ZNF841: variants seen among roughly 807,000 people sequenced by gnomAD.
The protein encoded by ZNF841 is zinc finger protein 841.
Under a neutral mutation model 13.0 loss-of-function variants are expected in ZNF841, and 11 were observed. That is an observed-to-expected ratio of 0.85 (90% CI 0.53 to 1.40). The LOEUF (loss-of-function observed/expected upper bound fraction) is 1.40, where lower values mean the gene tolerates loss of function less well. Ranked by LOEUF, ZNF841 falls within the 40% of genes most tolerant of loss-of-function variation. The pLI is 0.00. For synonymous variants in ZNF841, 369 were observed against 381.6 expected, an observed-to-expected ratio of 0.97 and a Z score of 0.38; for missense variants, 1,068 against 1,139.5, an observed-to-expected ratio of 0.94 and a Z score of 0.90.
At chr19:52,083,327 G>A (rs941176833) in intron 4 of ZNF841, among the ~76,000 whole-genome samples, 2 of 151,168 alleles carry the variant, frequency 1.3e-5, no homozygotes, top group African/African-American at 4.9e-5. Flanking sequence ...CTTCTAGGAT[G>A]GTGCATTTCC....
chr19:52,064,824 G>T lies in ZNF841; in HGVS notation c.*283C>A. On this transcript the variant is annotated 3_prime_UTR_variant, in exon 7 of 7. Coordinates refer to ENST00000594440, the MANE Select transcript of ZNF841 (RefSeq NM_001136499.2). ...AATTTTTGTATTTTTGGCAGAAACA[G>T]GGTTTCACCATGTTGGCCAGGCTGC... The T allele has an allele frequency of 4.6e-6, 1 of 216,152 alleles. No individual in the cohort carries two copies. Among genetic ancestry groups the T allele is most frequent in the Non-Finnish European group, 9.2e-6 (1 of 109,212 alleles). 13.4% of individuals were successfully genotyped at this position (216,152 alleles called of 1,614,324 possible). A position where few individuals can be genotyped will look rare whatever the true frequency, so the allele number is the denominator to read the frequency against.
At chr19:52,069,365 G>A (rs536267641) in intron 6 of ZNF841, among the ~76,000 whole-genome samples, 6 of 152,190 alleles carry the variant, frequency 3.9e-5, no homozygotes, top group East Asian at 3.9e-4. Flanking sequence ...ATGAGCCACC[G>A]TGCCCAGTCC....
At chr19:52,086,416 C>G (rs953061342) in intron 3 of ZNF841, among the ~76,000 whole-genome samples, 1 of 152,170 alleles carries the variant, frequency 6.6e-6, no homozygotes, top group South Asian at 2.1e-4. Context: ...CCATGTGAGA[C>G]GCCTGTTCCT....
intron 2 of ZNF841, among the ~76,000 whole-genome samples, chr19:52,090,650 GGAAGGAAA>G (rs1356836499): frequency 0.011 from 643 of 58,834 alleles, 2 homozygotes; most frequent in African/African-American, 0.02. Context: ...AAGGAAGGAA[GGAAGGAAA>G]GAAAGAAAGA....
At chr19:52,062,702 G>T (rs1027682108), downstream of ZNF841, among the ~76,000 whole-genome samples, 2 of 152,028 alleles carry the variant, frequency 1.3e-5, no homozygotes, top group Admixed American at 1.3e-4. Context: ...TACTGAATTG[G>T]CCATTTCCAC....
At chr19:52,059,551 G>A (rs969579676), downstream of ZNF841, among the ~76,000 whole-genome samples, 1 of 151,644 alleles carries the variant, frequency 6.6e-6, no homozygotes, top group African/African-American at 2.4e-5. Context: ...TGTTACTAAT[G>A]TGCAAGTATA....
rs1339159601 is a variant in ZNF841, at chr19:52,090,626, AGAAAGAAG to A, written c.-143-1632_-143-1625del. 4.0e-3 allele frequency among the ~76,000 whole-genome samples: 385 copies of A among 96,728 alleles called. 8 individuals are homozygous for A. Among genetic ancestry groups the A allele is most frequent in the African/African-American group, 0.018 (371 of 20,762 alleles). 63.5% of individuals were successfully genotyped at this position (96,728 alleles called of 152,430 possible). ...GTCTCTTAAAAAAAGAAAGAAAGAA[AGAAAGAAG>A]GAAGGAAGGAAGGAAGGAAGGAAAG... On this transcript the variant is annotated intron_variant, in intron 2 of 6. Coordinates refer to ENST00000594440, the MANE Select transcript of ZNF841 (RefSeq NM_001136499.2).
the ZNF841 span, among the ~76,000 whole-genome samples, chr19:52,059,370 A>AATATATATAT: frequency 9.3e-4 from 65 of 69,628 alleles, 1 homozygote; most frequent in African/African-American, 4.8e-3. Context: ...AAAAAAAAAA[A>AATATATATAT]ATATATATAT....
At chr19:52,093,693 T>C (rs947910504) in intron 2 of ZNF841, among the ~76,000 whole-genome samples, 153 bp downstream of exon 2, 9 of 152,238 alleles carry the variant, frequency 5.9e-5, no homozygotes, top group Admixed American at 2.0e-4. Context: ...CCAAATCTTA[T>C]TTCTGGAGTT....
Position 52,076,978 on chromosome 19 carries a change from T to C in ZNF841, c.122A>G (p.Tyr41Cys), listed in dbSNP as rs1328263151. 44 of 1,613,024 alleles carry C rather than the reference T, an allele frequency of 2.7e-5. No individual in the cohort carries two copies. The Admixed American group carries it at 6.7e-4, about 24-fold the overall frequency. ...ALYRDVMLEN[Y>C]RNLGFLGLCL... ...CTCACCCAGGAAGCCGAGGTTCCTGTAGTTCTCCAACATCACGTCCCTGTA... is the reference window on the plus strand; with the variant it reads ...CTCACCCAGGAAGCCGAGGTTCCTGCAGTTCTCCAACATCACGTCCCTGTA... Residue 41 changes from tyrosine (Y) to cysteine (C), a missense_variant, in exon 5 of 7, where the codon TAC becomes TGC. Physicochemically the swap from Tyr to Cys is radical, Grantham distance 194. Transcript: ENST00000594440.
intron 4 of ZNF841, among the ~76,000 whole-genome samples, chr19:52,082,323 A>G (rs1035513392): frequency 6.6e-6 from 1 of 152,232 alleles, no homozygotes; most frequent in Non-Finnish European, 1.5e-5. Flanking sequence ...AAAATTTTGG[A>G]AAGAAAATGG....
intron 6 of ZNF841, among the ~76,000 whole-genome samples, chr19:52,073,214 A>T (rs2087790938): frequency 6.6e-6 from 1 of 152,172 alleles, no homozygotes; most frequent in South Asian, 2.1e-4. Context: ...ATGAATAACG[A>T]CTTACATTAA....
Position 52,065,791 on chromosome 19 carries a change from T to C in ZNF841, c.2091A>G (p.Ala697=), listed in dbSNP as rs1247744312. ...CCCCAGTAGGATTTCTGTGATATCT[T>C]GCAAGTTTTGAACTTTGGATAAAAG... ...GEAFIQSSKL[A]RYHRNPTGEK... The change falls in exon 7 of 7, where the codon GCA becomes GCG. Residue 697 remains alanine, a synonymous_variant. Coordinates refer to ENST00000594440, the MANE Select transcript of ZNF841 (RefSeq NM_001136499.2). The C allele has an allele frequency of 1.9e-6, 3 of 1,611,340 alleles. No homozygotes were observed. Among genetic ancestry groups the C allele is most frequent in the Non-Finnish European group, 2.5e-6 (3 of 1,178,506 alleles).
intron 6 of ZNF841, among the ~76,000 whole-genome samples, chr19:52,073,772 T>TG (rs1167033224): frequency 4.6e-5 from 7 of 152,252 alleles, no homozygotes; most frequent in African/African-American, 1.7e-4. Flanking sequence ...ATGATGGACA[T>TG]GAATGTAGAT....
At chr19:52,068,533 G>A (rs1040735444) in intron 6 of ZNF841, among the ~76,000 whole-genome samples, 7 of 151,420 alleles carry the variant, frequency 4.6e-5, no homozygotes, top group African/African-American at 1.2e-4. Context: ...AAAATCAGCC[G>A]GGTGTGGTGG....
downstream of ZNF841, among the ~76,000 whole-genome samples, chr19:52,059,752 C>T (rs1173683372): frequency 6.6e-6 from 1 of 152,132 alleles, no homozygotes; most frequent in East Asian, 1.9e-4. Flanking sequence ...TTCACGCTAA[C>T]GTCCTTAAGC....
chr19:52,094,965 G>A (rs1385520738), intron 1 of ZNF841, among the ~76,000 whole-genome samples: 3 of 152,088 alleles, frequency 2.0e-5, no homozygotes, highest in East Asian at 3.9e-4. Context: ...ATTTTGCCGT[G>A]TATTTATGGG....
intron 3 of ZNF841, among the ~76,000 whole-genome samples, chr19:52,087,896 A>G (rs894559128): frequency 1.1e-4 from 17 of 152,010 alleles, no homozygotes; most frequent in African/African-American, 3.6e-4. Flanking sequence ...TGGCACCACT[A>G]TCTACTAAAA....
chr19:52,090,650 G>GAAAGAAAGAAAGAAA (rs1568549553), intron 2 of ZNF841, among the ~76,000 whole-genome samples: 10 of 58,964 alleles, frequency 1.7e-4, no homozygotes, highest in African/African-American at 6.9e-4. Flanking sequence ...AAGGAAGGAA[G>GAAAGAAAGAAAGAAA]GAAGGAAAGA....
Sources: gnomAD v4.1 joint callset for allele counts (sites outside exome capture counted in the v4.1 genomes callset) on GRCh38, gnomAD v4.1.1 for gene constraint, MANE v1.5 for transcripts, NCBI Gene and HGNC (gene_info 2026-07-23, HGNC 2026-07-21) for gene names.